Variants in STAG1 observed in about 807,000 individuals in gnomAD.
The protein encoded by STAG1 is cohesin subunit SA-1.
A neutral mutation model predicts 170.9 loss-of-function variants in STAG1; 26 were observed. That is an observed-to-expected ratio of 0.15 (90% CI 0.11 to 0.21). The LOEUF (loss-of-function observed/expected upper bound fraction) is 0.21. Ranked by LOEUF, STAG1 falls within the 10% of genes least tolerant of loss-of-function variation. The pLI, the probability that STAG1 is intolerant of heterozygous loss-of-function variation, is 1.00. For missense variants in STAG1, 964 were observed against 1,509.5 expected, an observed-to-expected ratio of 0.64 and a Z score of 5.99; for synonymous variants, 514 against 497.7, an observed-to-expected ratio of 1.03 and a Z score of -0.44.
chr3:136,740,282 T>C (rs1169097282), intron 1 of STAG1, among the ~76,000 whole-genome samples: 1 of 152,142 alleles, frequency 6.6e-6, no homozygotes, highest in Non-Finnish European at 1.5e-5. Context: ...CTCCATGTAA[T>C]TATTACTAAG....
At chr3:136,505,315 A>C (rs1328062063) in intron 7 of STAG1, among the ~76,000 whole-genome samples, 4 of 152,238 alleles carry the variant, frequency 2.6e-5, no homozygotes, top group Non-Finnish European at 5.9e-5. Flanking sequence ...ACTGCTGACT[A>C]TAAAATGGTA....
intron 28 of STAG1, among the ~76,000 whole-genome samples, chr3:136,353,674 G>A (rs976058440): frequency 6.6e-6 from 1 of 152,138 alleles, no homozygotes; most frequent in African/African-American, 2.4e-5. Context: ...CCAAAATGCT[G>A]GGTTTACAGG....
chr3:136,516,267 T>G (rs749618516), intron 7 of STAG1, among the ~76,000 whole-genome samples: 23 of 152,020 alleles, frequency 1.5e-4, no homozygotes, highest in Non-Finnish European at 2.6e-4. Context: ...CCAGCACTTT[T>G]AGAGGCCATG....
At chr3:136,575,536 T>C (rs980902213) in intron 4 of STAG1, among the ~76,000 whole-genome samples, 4 of 151,716 alleles carry the variant, frequency 2.6e-5, no homozygotes, top group Non-Finnish European at 4.4e-5. Flanking sequence ...ATTGTCTCTA[T>C]CTGGAGGATA....
rs115715261 is a variant in STAG1 at position 136,579,190 on chromosome 3, T to C, written c.298-10329A>G. On this transcript the variant is annotated intron_variant, in intron 4 of 33. Coordinates refer to ENST00000383202, the MANE Select transcript of STAG1 (RefSeq NM_005862.3). ...CCCCTGGAACTTGATATGCAGCTACTGACCTCACTAACTCCTTTTTCTCCA... is the reference window on the plus strand; with the variant it reads ...CCCCTGGAACTTGATATGCAGCTACCGACCTCACTAACTCCTTTTTCTCCA... Among the ~76,000 whole-genome samples, 519 of 152,356 alleles carry C rather than the reference T, an allele frequency of 3.4e-3. 3 individuals are homozygous for C. Among genetic ancestry groups the C allele is most frequent in the Non-Finnish European group, 6.0e-3 (408 of 68,034 alleles).
At chr3:136,739,361 C>T (rs186795692) in intron 1 of STAG1, among the ~76,000 whole-genome samples, 26 of 151,872 alleles carry the variant, frequency 1.7e-4, no homozygotes, top group Admixed American at 3.3e-4. Context: ...TACGAAAAAA[C>T]GTATTTTAAT....
chr3:136,638,833 C>T (rs1168607516), intron 1 of STAG1, among the ~76,000 whole-genome samples: 3 of 152,022 alleles, frequency 2.0e-5, no homozygotes, highest in Non-Finnish European at 4.4e-5. Context: ...ACCCAGGAGG[C>T]GGAGGCTGCA....
chr3:136,578,222 A>T (rs1937517983), intron 4 of STAG1, among the ~76,000 whole-genome samples: 1 of 152,220 alleles, frequency 6.6e-6, no homozygotes, highest in Non-Finnish European at 1.5e-5. Context: ...ATCCCAAGGT[A>T]ACACAGCCCA....
At chr3:136,720,818 A>C (rs1933215527) in intron 1 of STAG1, among the ~76,000 whole-genome samples, 1 of 152,020 alleles carries the variant, frequency 6.6e-6, no homozygotes, top group South Asian at 2.1e-4. Context: ...AAAGAAAAGA[A>C]ATCTGTGGAT....
chr3:136,658,424 T>A (rs2107862818), intron 1 of STAG1, among the ~76,000 whole-genome samples: 1 of 152,152 alleles, frequency 6.6e-6, no homozygotes, highest in South Asian at 2.1e-4. Context: ...ATTTAGGGTG[T>A]TGGTAGATAT....
chr3:136,464,205 C>T (rs2089379483), intron 13 of STAG1, among the ~76,000 whole-genome samples: 1 of 151,882 alleles, frequency 6.6e-6, no homozygotes, highest in African/African-American at 2.4e-5. Context: ...GGGCGGATTA[C>T]CTGAGGTCGG....
rs753912835 is a variant in STAG1 at position 136,439,389 on chromosome 3, GACACACACAC to G, written c.1546+3888_1546+3897del. Among the ~76,000 whole-genome samples the G allele has an allele frequency of 5.3e-3, 505 of 95,866 alleles. 1 individual carries two copies. The highest frequency in any genetic ancestry group is 0.018 in the African/African-American group (373 of 20,554). 62.9% of individuals were successfully genotyped at this position (95,866 alleles called of 152,430 possible). Reference sequence around the variant, plus strand: ...TTGATTTTGCTGTAAAACACCCCCCGACACACACACACACACACACACACACACACACACA... The same window carrying G: ...TTGATTTTGCTGTAAAACACCCCCCGACACACACACACACACACACACACA... On this transcript the variant is annotated intron_variant, in intron 15 of 33. Transcript: ENST00000383202.
At chr3:136,509,254 A>G (rs897750365) in intron 7 of STAG1, among the ~76,000 whole-genome samples, 1 of 152,244 alleles carries the variant, frequency 6.6e-6, no homozygotes, top group Non-Finnish European at 1.5e-5. Context: ...CAGGCAAGAT[A>G]ATCAGCTAAA....
At chr3:136,440,215 G>A (rs895709345) in intron 15 of STAG1, among the ~76,000 whole-genome samples, 1 of 152,008 alleles carries the variant, frequency 6.6e-6, no homozygotes, top group Non-Finnish European at 1.5e-5. Flanking sequence ...CTGGCTTACT[G>A]CAAGCTCTGC....
chr3:136,711,055 A>G (rs550515503), intron 1 of STAG1, among the ~76,000 whole-genome samples: 1 of 151,164 alleles, frequency 6.6e-6, no homozygotes, highest in African/African-American at 2.4e-5. Context: ...ACTTACAAAA[A>G]GAAAAATATA....
intron 21 of STAG1, among the ~76,000 whole-genome samples, chr3:136,416,401 C>T (rs141284625): frequency 2.6e-5 from 4 of 152,244 alleles, no homozygotes; most frequent in African/African-American, 9.6e-5. Flanking sequence ...ACATAAGCAA[C>T]AGAAAACCAA....
At chr3:136,344,082 G>GA (rs1321449475) in intron 29 of STAG1, 76 bp from the exon 30 acceptor site, 1 of 1,145,076 alleles carries the variant, frequency 8.7e-7, no homozygotes, top group African/African-American at 1.6e-5. Flanking sequence ...ATAGACTTGT[G>GA]AAGAGTGTGG....
intron 7 of STAG1, among the ~76,000 whole-genome samples, chr3:136,513,100 C>T (rs1269742089): frequency 6.6e-6 from 1 of 151,800 alleles, no homozygotes; most frequent in Non-Finnish European, 1.5e-5. Context: ...GGGTGTAGGG[C>T]CTCCCAGCCC....
chr3:136,394,832 A>T (rs2087106021), intron 22 of STAG1, among the ~76,000 whole-genome samples: 1 of 151,972 alleles, frequency 6.6e-6, no homozygotes, highest in Admixed American at 6.6e-5. Context: ...AGGCACCAGT[A>T]ATCCCAGCTA....
Sources: gnomAD v4.1 joint callset for allele counts (sites outside exome capture counted in the v4.1 genomes callset) on GRCh38, gnomAD v4.1.1 for gene constraint, MANE v1.5 for transcripts, NCBI Gene and HGNC (gene_info 2026-07-23, HGNC 2026-07-21) for gene names.